The following DOCK3 variants were observed in gnomAD, a reference collection of about 807,000 sequenced individuals.
DOCK3 encodes the protein dedicator of cytokinesis protein 3.
A neutral mutation model predicts 265.6 loss-of-function variants in DOCK3; 60 were observed. The observed-to-expected ratio is 0.23, with a 90% CI of 0.18 to 0.28. The LOEUF is 0.28. DOCK3 is among the 10% of genes least tolerant of loss of function. DOCK3 has a pLI of 1.00. For synonymous variants in DOCK3, 881 were observed against 938.0 expected, an observed-to-expected ratio of 0.94 and a Z score of 1.11; for missense variants, 1,981 against 2,594.3, an observed-to-expected ratio of 0.76 and a Z score of 5.14.
intron 1 of DOCK3, among the ~76,000 whole-genome samples, chr3:50,710,384 A>G (rs1394979644): frequency 6.6e-6 from 1 of 152,236 alleles, no homozygotes; most frequent in East Asian, 1.9e-4. Context: ...AAAAGACGAT[A>G]TACAAATGGC....
chr3:50,692,453 T>G (rs1007844751), intron 1 of DOCK3, among the ~76,000 whole-genome samples: 10 of 152,146 alleles, frequency 6.6e-5, no homozygotes, highest in Admixed American at 1.3e-4. Context: ...GGGTTCATAC[T>G]CCTATGAGAA....
intron 5 of DOCK3, among the ~76,000 whole-genome samples, chr3:51,051,091 T>C (rs1478825263): frequency 6.6e-6 from 1 of 152,214 alleles, no homozygotes; most frequent in African/African-American, 2.4e-5. Context: ...GTCTACCTTA[T>C]TCAGAGTAAC....
chr3:51,223,309 G>T (rs185423187), intron 14 of DOCK3, among the ~76,000 whole-genome samples: 2 of 151,938 alleles, frequency 1.3e-5, no homozygotes, highest in African/African-American at 4.8e-5. Flanking sequence ...TCATTTGAAG[G>T]ACATGTTTAT....
At chr3:51,099,701 G>C (rs972630124) in intron 9 of DOCK3, among the ~76,000 whole-genome samples, 1 of 152,204 alleles carries the variant, frequency 6.6e-6, no homozygotes, top group African/African-American at 2.4e-5. Context: ...TAATATGGCA[G>C]TGGATAAAAC....
intron 1 of DOCK3, among the ~76,000 whole-genome samples, chr3:50,771,414 TA>T (rs2108473353): frequency 6.6e-6 from 1 of 152,252 alleles, no homozygotes; most frequent in East Asian, 1.9e-4. Context: ...TCACCCAAGT[TA>T]AAATGACTTA....
At chr3:50,713,057 C>A (rs761533388) in intron 1 of DOCK3, among the ~76,000 whole-genome samples, 5 of 152,066 alleles carry the variant, frequency 3.3e-5, no homozygotes, top group Non-Finnish European at 7.4e-5. Flanking sequence ...GGGAGTGCAC[C>A]TTTGTTAGTT....
intron 38 of DOCK3, among the ~76,000 whole-genome samples, chr3:51,342,144 G>T (rs1310695577): frequency 6.6e-6 from 1 of 152,160 alleles, no homozygotes; most frequent in Non-Finnish European, 1.5e-5. Context: ...AATGGAAATT[G>T]GTTTTTGAGA....
intron 5 of DOCK3, among the ~76,000 whole-genome samples, chr3:50,946,378 G>A (rs1653879442): frequency 6.6e-6 from 1 of 152,132 alleles, no homozygotes; most frequent in Non-Finnish European, 1.5e-5. Context: ...AGATATGATA[G>A]TTTCAAAGAT....
Position 51,380,116 on chromosome 3 carries a change from C to G in DOCK3, c.5501-9C>G, listed in dbSNP as rs1553618051. On this transcript the variant is annotated splice_polypyrimidine_tract_variant and intron_variant, in intron 51 of 52. Coordinates refer to ENST00000266037, the MANE Select transcript of DOCK3 (RefSeq NM_004947.5). ...CCCAGCTGAGGCTCTGGTTCTGTTC[C>G]CTTTGCAGGTCATTACTCCCTACAC... 5.6e-6 allele frequency: 9 copies of G among 1,612,280 alleles called. No individual in the cohort carries two copies. In the Middle Eastern group the frequency reaches 8.3e-4, roughly 148 times the overall value.
chr3:51,252,458 G>A (rs1311284691), intron 22 of DOCK3, among the ~76,000 whole-genome samples: 1 of 152,166 alleles, frequency 6.6e-6, no homozygotes, highest in Non-Finnish European at 1.5e-5. Flanking sequence ...TGGGCAGTAT[G>A]GCCATTTTCA....
chr3:50,913,830 T>C (rs1269338666), intron 4 of DOCK3, among the ~76,000 whole-genome samples: 1 of 152,092 alleles, frequency 6.6e-6, no homozygotes, highest in African/African-American at 2.4e-5. Context: ...AGGAGTGGTA[T>C]TGGCGATTCA....
chr3:51,315,971 A>G (rs1024100324), intron 32 of DOCK3, among the ~76,000 whole-genome samples: 4 of 152,194 alleles, frequency 2.6e-5, no homozygotes. Context: ...TGAGAAGTAG[A>G]CCAGGCAAAC....
intron 12 of DOCK3, among the ~76,000 whole-genome samples, chr3:51,174,549 A>G (rs1388530401): frequency 2.6e-5 from 4 of 152,100 alleles, no homozygotes; most frequent in East Asian, 1.9e-4. Context: ...TTAGTTATCT[A>G]TCTGTTCTCT....
chr3:51,186,718 C>T (rs555798891), intron 12 of DOCK3, among the ~76,000 whole-genome samples: 29 of 152,322 alleles, frequency 1.9e-4, no homozygotes, highest in Non-Finnish European at 3.8e-4. Flanking sequence ...TCAGCTGCTC[C>T]AGCTGTGGCT....
At chr3:51,179,196 T>C (rs1457349132) in intron 12 of DOCK3, among the ~76,000 whole-genome samples, 4 of 152,354 alleles carry the variant, frequency 2.6e-5, no homozygotes, top group Admixed American at 2.6e-4. Flanking sequence ...TTACAAAAAT[T>C]GTTCATAGGA....
At chr3:51,218,169 C>G (rs2089894037) in intron 14 of DOCK3, among the ~76,000 whole-genome samples, 1 of 151,908 alleles carries the variant, frequency 6.6e-6, no homozygotes, top group Non-Finnish European at 1.5e-5. Flanking sequence ...CACAGTGGCT[C>G]ACGCCTATAA....
chr3:51,002,551 A>C (rs905660924), intron 5 of DOCK3, among the ~76,000 whole-genome samples: 1 of 152,192 alleles, frequency 6.6e-6, no homozygotes, highest in African/African-American at 2.4e-5. Flanking sequence ...TTATTCTATA[A>C]GTTGTATAGT....
At chr3:51,031,072 G>A (rs556827297) in intron 5 of DOCK3, among the ~76,000 whole-genome samples, 4 of 152,056 alleles carry the variant, frequency 2.6e-5, no homozygotes, top group Non-Finnish European at 4.4e-5. Context: ...AACTTTGGGC[G>A]GCTGGAAACT....
chr3:50,923,377 T>A (rs2050602652), intron 4 of DOCK3, among the ~76,000 whole-genome samples: 1 of 152,200 alleles, frequency 6.6e-6, no homozygotes, highest in Non-Finnish European at 1.5e-5. Context: ...TTTTTAGTCT[T>A]TTGTCATGCA....
Sources: gnomAD v4.1 joint callset for allele counts (sites outside exome capture counted in the v4.1 genomes callset) on GRCh38, gnomAD v4.1.1 for gene constraint, MANE v1.5 for transcripts, NCBI Gene and HGNC (gene_info 2026-07-23, HGNC 2026-07-21) for gene names.